The following CDH20 variants were observed in gnomAD, a reference collection of about 807,000 sequenced individuals.
The protein encoded by CDH20 is cadherin-20.
In CDH20, 29 loss-of-function variants were observed where a neutral mutation model predicts 74.2. The observed-to-expected ratio is 0.39, with a 90% CI of 0.29 to 0.53. CDH20 has a LOEUF of 0.53. Ranked by LOEUF, CDH20 falls within the 20% of genes least tolerant of loss-of-function variation. The pLI is 0.69. For synonymous variants in CDH20, 469 were observed against 405.4 expected (o/e 1.16, Z -1.88); for missense variants, 988 against 1,048.3 (o/e 0.94, Z 0.79).
intron 1 of CDH20, among the ~76,000 whole-genome samples, chr18:61,470,606 G>GAA (rs370509015): frequency 7.0e-6 from 1 of 143,282 alleles, no homozygotes. Flanking sequence ...AACCTGGAAA[G>GAA]AAAAAAAAAA....
intron 1 of CDH20, among the ~76,000 whole-genome samples, chr18:61,415,059 A>G (rs987412338): frequency 1.3e-5 from 2 of 152,128 alleles, no homozygotes; most frequent in Non-Finnish European, 2.9e-5. Context: ...TAAAATAATG[A>G]GAAGAGGTTT....
intron 1 of CDH20, among the ~76,000 whole-genome samples, chr18:61,448,352 G>T (rs1158741416): frequency 6.6e-6 from 1 of 152,186 alleles, no homozygotes; most frequent in Non-Finnish European, 1.5e-5. Context: ...GAGAGGTCAA[G>T]TAATTTAAGT....
At chr18:61,361,394 C>A (rs1460677998) in intron 1 of CDH20, among the ~76,000 whole-genome samples, 1 of 152,118 alleles carries the variant, frequency 6.6e-6, no homozygotes, top group Non-Finnish European at 1.5e-5. Context: ...GTTCAATTTG[C>A]TAGATTTTGT....
chr18:61,517,401 G>A (rs1912035871), intron 6 of CDH20, among the ~76,000 whole-genome samples: 1 of 152,284 alleles, frequency 6.6e-6, no homozygotes, highest in African/African-American at 2.4e-5. Flanking sequence ...TCATCTCAAT[G>A]GGAGTGGTTA....
chr18:61,425,074 TCTCA>T (rs1839198423), intron 1 of CDH20, among the ~76,000 whole-genome samples: 1 of 109,902 alleles, frequency 9.1e-6, no homozygotes, highest in South Asian at 3.2e-4. Flanking sequence ...TCTCTCTCTC[TCTCA>T]CTCACTCCGG....
At chr18:61,351,719 C>T (rs73443798) in intron 1 of CDH20, among the ~76,000 whole-genome samples, 6,204 of 151,928 alleles carry the variant, frequency 0.041, 427 homozygotes, top group African/African-American at 0.14. Context: ...AATCTGTGTA[C>T]AAGCTCTGTG....
At chr18:61,522,883 C>T (rs1912260619) in intron 6 of CDH20, among the ~76,000 whole-genome samples, 1 of 152,080 alleles carries the variant, frequency 6.6e-6, no homozygotes, top group African/African-American at 2.4e-5. Flanking sequence ...TGAAACTGGA[C>T]CCCTTCCTTA....
Position 61,545,122 on chromosome 18 carries a change from C to T in CDH20, c.1626C>T (p.Asn542=). The T allele has an allele frequency of 6.2e-7, 1 of 1,612,452 alleles. No individual in the cohort carries two copies. Among genetic ancestry groups the T allele is most frequent in the Non-Finnish European group, 8.5e-7 (1 of 1,178,520 alleles). Residue 542 remains asparagine, a synonymous_variant, in exon 10 of 12, where the codon AAC becomes AAT. Transcript: ENST00000262717. ...CTCCTGAGGCTGCTAACAACCCCAA[C>T]TTTACCATAAGGGACAACCAAGGTA... ...SLAPEAANNP[N]FTIRDNQDNT...
intron 1 of CDH20, among the ~76,000 whole-genome samples, chr18:61,361,905 T>A (rs1910705865): frequency 6.6e-6 from 1 of 152,186 alleles, no homozygotes; most frequent in Non-Finnish European, 1.5e-5. Context: ...AGACCTATAA[T>A]GATTATAATT....
intron 1 of CDH20, among the ~76,000 whole-genome samples, chr18:61,421,437 A>G (rs1883168937): frequency 1.3e-5 from 2 of 152,196 alleles, no homozygotes; most frequent in African/African-American, 4.8e-5. Flanking sequence ...GAAGTCCCAG[A>G]TCTAAATCTC....
intron 10 of CDH20, among the ~76,000 whole-genome samples, chr18:61,547,350 AACTG>A (rs977634302): frequency 2.6e-5 from 4 of 152,010 alleles, no homozygotes; most frequent in Non-Finnish European, 4.4e-5. Flanking sequence ...CCACAACAAA[AACTG>A]ACTAATATAG....
At chr18:61,503,142 G>A (rs1024244125) in intron 5 of CDH20, 22 bp downstream of exon 5, 28 of 1,558,232 alleles carry the variant, frequency 1.8e-5, no homozygotes, top group Non-Finnish European at 2.1e-5. Context: ...ACCCAAGAGA[G>A]CACAGACCTC....
chr18:61,417,893 C>T (rs922398586), intron 1 of CDH20, among the ~76,000 whole-genome samples: 7 of 152,110 alleles, frequency 4.6e-5, no homozygotes, highest in African/African-American at 1.7e-4. Context: ...ACACAGCATA[C>T]GCTTGCATCA....
At chr18:61,339,681 A>ATTTTTTTTTTTTT (rs898945778) in intron 1 of CDH20, among the ~76,000 whole-genome samples, 29 of 88,420 alleles carry the variant, frequency 3.3e-4, no homozygotes, top group Admixed American at 2.0e-3. Flanking sequence ...GGTCATAGAA[A>ATTTTTTTTTTTTT]TTTTTTTTTT....
chr18:61,413,337 T>C (rs1912574762), intron 1 of CDH20, among the ~76,000 whole-genome samples: 1 of 152,174 alleles, frequency 6.6e-6, no homozygotes, highest in Non-Finnish European at 1.5e-5. Context: ...ATGCAATCAT[T>C]CTACAAAGTA....
rs543834338 is a variant in CDH20 at position 61,366,008 on chromosome 18, A to G, written c.-153+32181A>G. On this transcript the variant is annotated intron_variant, in intron 1 of 11. Transcript: ENST00000262717. ...ACATTAAAAAAGAACACGACTTGCA[A>G]CATTGCACGTTTTAAGCCTCTTACA... Among the ~76,000 whole-genome samples, 3 of 152,288 alleles carry G rather than the reference A, an allele frequency of 2.0e-5. No homozygotes were observed. In the East Asian group the frequency reaches 5.8e-4, roughly 29 times the overall value.
chr18:61,400,021 C>T (rs1912105237), intron 1 of CDH20, among the ~76,000 whole-genome samples: 1 of 152,112 alleles, frequency 6.6e-6, no homozygotes, highest in African/African-American at 2.4e-5. Context: ...TTCCTCCTTA[C>T]CTTAGTGTCT....
At chr18:61,344,356 T>C (rs1188032050) in intron 1 of CDH20, among the ~76,000 whole-genome samples, 1 of 152,172 alleles carries the variant, frequency 6.6e-6, no homozygotes, top group African/African-American at 2.4e-5. Context: ...GATAAATATG[T>C]TGCCCAAGAT....
Position 61,490,804 on chromosome 18 carries a change from G to A in CDH20, c.246+5G>A. ...GACCCTTTGTATGTCGGCAAGGTAA[G>A]AAATGCCAAGTAGAAATGACCCGGG... On this transcript the variant is annotated splice_donor_5th_base_variant and intron_variant, in intron 2 of 11. Coordinates refer to ENST00000262717, the MANE Select transcript of CDH20 (RefSeq NM_031891.4). 6.2e-7 allele frequency: 1 copy of A among 1,613,666 alleles called. No homozygotes were observed. Among genetic ancestry groups the A allele is most frequent in the South Asian group, 1.1e-5 (1 of 91,058 alleles).
Sources: gnomAD v4.1 joint callset for allele counts (sites outside exome capture counted in the v4.1 genomes callset) on GRCh38, gnomAD v4.1.1 for gene constraint, MANE v1.5 for transcripts, NCBI Gene and HGNC (gene_info 2026-07-23, HGNC 2026-07-21) for gene names.